The following STK32B variants were observed in gnomAD, a reference collection of about 807,000 sequenced individuals.
The protein encoded by STK32B is serine/threonine kinase 32B, also known as serine/threonine-protein kinase 32B.
STK32B carries 43 observed loss-of-function variants against 52.6 expected under a neutral mutation model. The ratio of observed to expected loss-of-function variants is 0.82; its 90% CI spans 0.64 to 1.05. The LOEUF is 1.05. Among genes scored for constraint, STK32B ranks in the 50% least tolerant of loss-of-function variants. The pLI is 0.00. For synonymous variants in STK32B, 238 were observed against 204.3 expected (o/e 1.17, Z -1.41); for missense variants, 621 against 534.6 (o/e 1.16, Z -1.59).
chr4:5,346,859 C>T (rs552713996), intron 4 of STK32B, among the ~76,000 whole-genome samples: 314 of 152,234 alleles, frequency 2.1e-3, no homozygotes, highest in African/African-American at 7.4e-3. Flanking sequence ...TCTTCATGGC[C>T]GGGTAGGCCT....
chr4:5,301,045 T>C (rs1729520251), intron 3 of STK32B, among the ~76,000 whole-genome samples: 1 of 152,172 alleles, frequency 6.6e-6, no homozygotes, highest in African/African-American at 2.4e-5. Flanking sequence ...GATGATCATA[T>C]AAGTTTTATC....
intron 4 of STK32B, among the ~76,000 whole-genome samples, chr4:5,350,617 A>G (rs999673161): frequency 1.3e-5 from 2 of 152,182 alleles, no homozygotes; most frequent in African/African-American, 4.8e-5. Context: ...TAATTAAATG[A>G]CAGGAATATA....
At chr4:5,223,816 CAA>C (rs1230344719) in intron 3 of STK32B, among the ~76,000 whole-genome samples, 29 of 100,666 alleles carry the variant, frequency 2.9e-4, no homozygotes, top group African/African-American at 6.6e-4. Flanking sequence ...GACTCCGTTT[CAA>C]AAAAAAAAAA....
At chr4:5,067,674 T>C (rs1027688550) in intron 1 of STK32B, among the ~76,000 whole-genome samples, 4 of 152,134 alleles carry the variant, frequency 2.6e-5, no homozygotes, top group African/African-American at 9.7e-5. Context: ...TACAAGTGTG[T>C]ATTAGTCCAT....
intron 3 of STK32B, among the ~76,000 whole-genome samples, chr4:5,187,066 G>C (rs1720801011): frequency 6.6e-6 from 1 of 152,172 alleles, no homozygotes; most frequent in Non-Finnish European, 1.5e-5. Flanking sequence ...AGCTGGGCTT[G>C]GGGGATTGGC....
At chr4:5,273,846 TG>T (rs1727611313) in intron 3 of STK32B, among the ~76,000 whole-genome samples, 1 of 73,450 alleles carries the variant, frequency 1.4e-5, no homozygotes, top group Non-Finnish European at 2.5e-5. Flanking sequence ...CTGTGGTGGG[TG>T]GGGGGAGGGG....
chr4:5,244,919 T>C (rs1033516244), intron 3 of STK32B, among the ~76,000 whole-genome samples: 7 of 152,224 alleles, frequency 4.6e-5, no homozygotes, highest in African/African-American at 1.7e-4. Context: ...AGTTCTAGTT[T>C]GATTGCACTG....
At chr4:5,022,180 G>A in the STK32B span, among the ~76,000 whole-genome samples, 1 of 152,166 alleles carries the variant, frequency 6.6e-6, no homozygotes, top group East Asian at 1.9e-4. Context: ...TTGCCTCCTG[G>A]CATCTGTCTC....
In STK32B at chr4:5,160,318, G is replaced by T. The variant is rs1415577218; in HGVS notation, c.109-7981G>T. Among the ~76,000 whole-genome samples the T allele has an allele frequency of 2.0e-5, 3 of 152,102 alleles. No homozygotes were observed. The East Asian group carries it at 5.8e-4, about 29-fold the overall frequency. The stretch of plus-strand genomic sequence containing the variant: ...TGCTTACCATGGAGCCTTTATAACT[G>T]CCCATTAAGGCAAATACCACTCTTA... On this transcript the variant is annotated intron_variant, in intron 2 of 11. Transcript: ENST00000282908.
chr4:5,171,014 T>C (rs1402132540), intron 3 of STK32B, among the ~76,000 whole-genome samples: 1 of 152,226 alleles, frequency 6.6e-6, no homozygotes, highest in Non-Finnish European at 1.5e-5. Context: ...TGGTGTGAGA[T>C]GGTATCTCAT....
At chr4:5,260,291 T>C (rs1034676700) in intron 3 of STK32B, among the ~76,000 whole-genome samples, 42 of 152,202 alleles carry the variant, frequency 2.8e-4, no homozygotes, top group Admixed American at 2.4e-3. Flanking sequence ...GTCAAGATTT[T>C]CATATGTTAA....
chr4:5,306,641 A>G (rs1283313091), intron 3 of STK32B, among the ~76,000 whole-genome samples: 2 of 152,116 alleles, frequency 1.3e-5, no homozygotes, highest in African/African-American at 4.8e-5. Flanking sequence ...TTCACATTCA[A>G]CATTAGCATG....
intron 3 of STK32B, among the ~76,000 whole-genome samples, chr4:5,204,387 G>A (rs1722396122): frequency 1.3e-5 from 2 of 151,836 alleles, no homozygotes; most frequent in African/African-American, 2.4e-5. Flanking sequence ...AGACAACAGA[G>A]TGTCCTGGGG....
At chr4:5,348,365 C>T (rs1733603726) in intron 4 of STK32B, among the ~76,000 whole-genome samples, 1 of 152,142 alleles carries the variant, frequency 6.6e-6, no homozygotes, top group South Asian at 2.1e-4. Flanking sequence ...ATTTTGAGAG[C>T]CCAGCCACAC....
intron 1 of STK32B, among the ~76,000 whole-genome samples, chr4:5,087,461 T>A (rs926131071): frequency 6.6e-6 from 1 of 151,948 alleles, no homozygotes; most frequent in Non-Finnish European, 1.5e-5. Flanking sequence ...GTAGTTATAT[T>A]AAATGTAAAT....
chr4:5,178,054 C>A (rs1169871509), intron 3 of STK32B, among the ~76,000 whole-genome samples: 1 of 152,216 alleles, frequency 6.6e-6, no homozygotes, highest in Non-Finnish European at 1.5e-5. Flanking sequence ...CCAGTGGGGA[C>A]TCTGTGTGGG....
chr4:5,278,584 C>T (rs970790711), intron 3 of STK32B, among the ~76,000 whole-genome samples: 15 of 152,174 alleles, frequency 9.9e-5, no homozygotes, highest in Admixed American at 7.9e-4. Context: ...AAAAGAAATT[C>T]ACTTGCGAAT....
Position 5,389,697 on chromosome 4 carries a change from C to T in STK32B, c.435-8510C>T, listed in dbSNP as rs144434399. ...GAACACGATTCAATCCATCACACTA[C>T]CTGGAAGGGCTGTGCAATAGACTGA... is the stretch of plus-strand genomic sequence containing the variant. On this transcript the variant is annotated intron_variant, in intron 4 of 11. Coordinates refer to ENST00000282908, the MANE Select transcript of STK32B (RefSeq NM_018401.3). Among the ~76,000 whole-genome samples, 5 of 152,230 alleles carry T rather than the reference C, an allele frequency of 3.3e-5. No homozygotes were observed. The East Asian group carries it at 9.7e-4, about 29-fold the overall frequency.
At chr4:5,034,045 A>G in the STK32B span, among the ~76,000 whole-genome samples, 1 of 152,330 alleles carries the variant, frequency 6.6e-6, no homozygotes, top group Admixed American at 6.5e-5. Context: ...ACACTTTACA[A>G]AAGAAGAAGG....
Sources: gnomAD v4.1 joint callset for allele counts (sites outside exome capture counted in the v4.1 genomes callset) on GRCh38, gnomAD v4.1.1 for gene constraint, MANE v1.5 for transcripts, NCBI Gene and HGNC (gene_info 2026-07-23, HGNC 2026-07-21) for gene names.